The following ZFP64 variants were observed in gnomAD, a reference collection of about 807,000 sequenced individuals.
ZFP64 encodes the protein ZFP64 zinc finger protein, also known as zinc finger protein 64.
A neutral mutation model predicts 51.6 loss-of-function variants in ZFP64; 14 were observed. That is an observed-to-expected ratio of 0.27 (90% CI 0.18 to 0.42). ZFP64 has a LOEUF of 0.42. Among genes scored for constraint, ZFP64 ranks in the 10% least tolerant of loss-of-function variants. The pLI is 1.00. For missense variants in ZFP64, 754 were observed against 906.8 expected, an observed-to-expected ratio of 0.83 and a Z score of 2.16; for synonymous variants, 375 against 361.4, an observed-to-expected ratio of 1.04 and a Z score of -0.43.
At chr20:52,088,504 G>A (rs2078888177) in exon 8 of ZFP64, 3 of 1,614,180 alleles carry the variant, frequency 1.9e-6, no homozygotes, top group East Asian at 2.2e-5. Context: ...GCTTCTTGAG[G>A]CTACTGCTGT....
In ZFP64 at chr20:52,176,301, T is replaced by A. The variant is rs979816351; in HGVS notation, c.287-10276A>T. ...AAGACGCTCAGGTTTGGTGTGGACTTTCCTTCTGAACAAAGAAGACATAAA... is the reference window on the plus strand; with the variant it reads ...AAGACGCTCAGGTTTGGTGTGGACTATCCTTCTGAACAAAGAAGACATAAA... On this transcript the variant is annotated intron_variant, in intron 2 of 5. Transcript: ENST00000216923. Among the ~76,000 whole-genome samples, 58 of 152,012 alleles carry A rather than the reference T, an allele frequency of 3.8e-4. 1 individual carries two copies. The highest frequency in any genetic ancestry group is 1.3e-3 in the African/African-American group (54 of 41,472).
chr20:52,095,179 T>G lies in ZFP64; in HGVS notation c.976+2194A>C, dbSNP rs138166092. On this transcript the variant is annotated intron_variant, in intron 7 of 8. Coordinates refer to the ZFP64 transcript ENST00000361387. ...CCCCTCTCCTCTTGGTAACAGAACC[T>G]TCTTTGCAGCTGGGCACACAACCGC... 4.9e-3 allele frequency among the ~76,000 whole-genome samples: 743 copies of G among 152,352 alleles called. 25 individuals are homozygous for G. The highest frequency in any genetic ancestry group is 0.037 in the Admixed American group (559 of 15,296).
At chr20:52,089,047 TAG>T in intron 7 of ZFP64, 1 of 519,850 alleles carries the variant, frequency 1.9e-6, no homozygotes, top group Non-Finnish European at 3.8e-6. Context: ...CATCTCCCCC[TAG>T]GCTGTTGGTC....
chr20:52,145,609 A>T (rs1980485430), intron 5 of ZFP64, among the ~76,000 whole-genome samples: 1 of 152,220 alleles, frequency 6.6e-6, no homozygotes, highest in Non-Finnish European at 1.5e-5. Flanking sequence ...ACTGCACTCC[A>T]ACCTGGGTGA....
At chr20:52,084,215 A>C in exon 9 of ZFP64, 3 of 257,754 alleles carry the variant, frequency 1.2e-5, no homozygotes, top group Non-Finnish European at 1.5e-5. Flanking sequence ...AAGTTTAATA[A>C]TTCCATCAGA....
At position 52,160,178 on chromosome 20, in the gene ZFP64, G is replaced by A; in HGVS notation, c.708C>T (p.Cys236=). ...SDERPFKCQI[C]PYASRNSSQL... The stretch of plus-strand genomic sequence containing the variant: ...GGCTGGAGTTGCGGCTGGCGTAGGG[G>A]CAGATCTGGCATTTGAAGGGCCGCT... Residue 236 remains cysteine, a synonymous_variant, in exon 5 of 6, where the codon TGC becomes TGT. Coordinates refer to ENST00000216923, the MANE Select transcript of ZFP64 (RefSeq NM_018197.3). This position sits in a 1 kb window ranked among gnomAD's most constrained non-coding sequence, Gnocchi z 4.2. The A allele has an allele frequency of 6.2e-7, 1 of 1,614,190 alleles. No individual in the cohort carries two copies.
intron 5 of ZFP64, among the ~76,000 whole-genome samples, chr20:52,124,899 C>T (rs779149184): frequency 5.9e-5 from 9 of 152,044 alleles, no homozygotes; most frequent in African/African-American, 1.9e-4. Context: ...CCACCATGCC[C>T]GGCCTAAACA....
intron 2 of ZFP64, among the ~76,000 whole-genome samples, chr20:52,181,436 C>T (rs1030489869): frequency 4.6e-5 from 7 of 152,112 alleles, no homozygotes; most frequent in Admixed American, 3.3e-4. Context: ...AATTTTACAG[C>T]TCCCATATGA....
chr20:52,178,192 G>A (rs1184056352), intron 2 of ZFP64, among the ~76,000 whole-genome samples: 3 of 152,006 alleles, frequency 2.0e-5, no homozygotes, highest in Admixed American at 6.6e-5. Context: ...CATTTTTCAC[G>A]GAAGCTTCAG....
intron 5 of ZFP64, among the ~76,000 whole-genome samples, chr20:52,141,735 A>C (rs1345266668): frequency 1.3e-5 from 2 of 152,226 alleles, no homozygotes; most frequent in Non-Finnish European, 2.9e-5. Flanking sequence ...GACAACAAAC[A>C]ACTTAAAATA....
intron 7 of ZFP64, among the ~76,000 whole-genome samples, chr20:52,094,616 G>A (rs915958957): frequency 6.6e-6 from 1 of 152,112 alleles, no homozygotes; most frequent in African/African-American, 2.4e-5. Context: ...AAAATTAGCT[G>A]GGCGAAATGG....
At chr20:52,155,892 T>C (rs6021751) in intron 5 of ZFP64, among the ~76,000 whole-genome samples, 4,508 of 152,288 alleles carry the variant, frequency 0.03, 217 homozygotes, top group African/African-American at 0.1. Flanking sequence ...TCTATCCAAT[T>C]GCCGAAAGGG....
chr20:52,134,902 A>G (rs2122891343), intron 5 of ZFP64, among the ~76,000 whole-genome samples: 1 of 152,108 alleles, frequency 6.6e-6, no homozygotes, highest in East Asian at 1.9e-4. Flanking sequence ...TCACTCTGTC[A>G]CCCAGGTTGG....
Position 52,103,993 on chromosome 20 carries a change from G to C in ZFP64, c.764-5406C>G, listed in dbSNP as rs190366552. Among the ~76,000 whole-genome samples, 226 of 152,336 alleles carry C rather than the reference G, an allele frequency of 1.5e-3. 8 individuals carry two copies. The East Asian group carries it at 0.035, about 24-fold the overall frequency. On this transcript the variant is annotated intron_variant, in intron 5 of 8. Coordinates refer to the ZFP64 transcript ENST00000361387. ...AGCTGGAGAGCCCGCGGCTCTGGAG[G>C]GGTGAGCCGCCCCGGAGAGGGGACC... is the stretch of plus-strand genomic sequence containing the variant.
At chr20:52,171,399 G>A (rs1329277295) in intron 2 of ZFP64, among the ~76,000 whole-genome samples, 5 of 152,074 alleles carry the variant, frequency 3.3e-5, no homozygotes, top group Admixed American at 2.0e-4. Context: ...ATGCGTATGC[G>A]TATGTGTATG....
chr20:52,151,872 A>G lies in ZFP64; in HGVS notation c.*274T>C, dbSNP rs908832139. 4.1e-6 allele frequency: 4 copies of G among 971,986 alleles called. No homozygotes were observed. In the East Asian group the frequency reaches 2.0e-4, roughly 48 times the overall value. 60.2% of individuals were successfully genotyped at this position (971,986 alleles called of 1,614,324 possible). ...TTCAACATGATGAAACCCCGTCTCT[A>G]CTAAATATACAAAAATTAGCCAGTC... On this transcript the variant is annotated 3_prime_UTR_variant, in exon 6 of 6. Coordinates refer to ENST00000216923, the MANE Select transcript of ZFP64 (RefSeq NM_018197.3).
In ZFP64 at chr20:52,153,093, T is replaced by C. The variant is rs1182556025; in HGVS notation, c.1099A>G (p.Thr367Ala). 6.2e-7 allele frequency: 1 copy of C among 1,614,200 alleles called. No homozygotes were observed. Among genetic ancestry groups the C allele is most frequent in the South Asian group, 1.1e-5 (1 of 91,078 alleles). Reference sequence around the variant, plus strand: ...TAGTTGCACTTGAAAGGGCGGTCGGTGCAGTGGATACGCTCGTGGATGCGC... The same window carrying C: ...TAGTTGCACTTGAAAGGGCGGTCGGCGCAGTGGATACGCTCGTGGATGCGC... ...ALRIHERIHCTDRPFKCNYCS... is the reference protein window; with the variant it reads ...ALRIHERIHCADRPFKCNYCS... The change falls in exon 6 of 6, where the codon ACC becomes GCC. Residue 367 changes from threonine (T) to alanine (A), a missense_variant. Transcript: ENST00000216923. This position sits in a 1 kb window ranked among gnomAD's most constrained non-coding sequence, Gnocchi z 5.1.
intron 7 of ZFP64, among the ~76,000 whole-genome samples, chr20:52,091,417 T>A (rs530468678): frequency 6.6e-6 from 1 of 152,196 alleles, no homozygotes; most frequent in African/African-American, 2.4e-5. Context: ...ATCAAAGTGA[T>A]AGGAACACAA....
Position 52,153,354 on chromosome 20 carries a change from C to T in ZFP64, c.838G>A (p.Val280Met). Residue 280 changes from valine (V) to methionine (M), a missense_variant, in exon 6 of 6, where the codon GTG (valine) becomes ATG (methionine). By Grantham distance (21) the Val-to-Met change is conservative (BLOSUM62 1). Transcript: ENST00000216923. This position sits in a 1 kb window ranked among gnomAD's most constrained non-coding sequence, Gnocchi z 5.1. ...ISSDLKRHMR[V>M]HSGEKPFKCE... ...TTGAAAGGCTTCTCCCCCGAGTGCA[C>T]CCGCATGTGCCTTTTCAAGTCCGAG... 1 of 1,614,196 alleles carries T rather than the reference C, an allele frequency of 6.2e-7. No homozygotes were observed. The highest frequency in any genetic ancestry group is 8.5e-7 in the Non-Finnish European group (1 of 1,180,052).
Sources: gnomAD v4.1 joint callset for allele counts (sites outside exome capture counted in the v4.1 genomes callset) on GRCh38, gnomAD v4.1.1 for gene constraint, Gnocchi (gnomAD v3.1) non-coding constraint, MANE v1.5 for transcripts, NCBI Gene and HGNC (gene_info 2026-07-23, HGNC 2026-07-21) for gene names.